HUWE1: variants seen among roughly 807,000 people sequenced by gnomAD.
HUWE1 encodes E3 ubiquitin-protein ligase HUWE1.
HUWE1 carries 18 observed loss-of-function variants against 299.4 expected under a neutral mutation model. That is an observed-to-expected ratio of 0.06 (90% CI 0.04 to 0.09). HUWE1 has a LOEUF of 0.09. HUWE1 is among the 10% of genes least tolerant of loss of function. The pLI is 1.00. For missense variants in HUWE1, 1,832 were observed against 3,462.3 expected (o/e 0.53, Z 11.82); for synonymous variants, 1,317 against 1,286.1 (o/e 1.02, Z -0.51).
chrX:53,648,371 A>T (rs1187789659), intron 4 of HUWE1, 61 bp from the exon 5 acceptor site: 3 of 702,070 alleles, frequency 4.3e-6, no homozygotes, highest in Non-Finnish European at 6.7e-6. Flanking sequence ...AAATAAGGAG[A>T]ATCAGAAAAG....
At position 53,619,419 on chromosome X, in the gene HUWE1, G is replaced by A. The variant is rs1296740674; in HGVS notation, c.1673-1973C>T. On this transcript the variant is annotated intron_variant, in intron 19 of 83. Transcript: ENST00000262854. ...TGTTATTTTATCAAGAAGTCGCAAC[G>A]ACACTATGCACTGGGACCCCTATAC... Among the ~76,000 whole-genome samples, 3 of 110,038 alleles carry A rather than the reference G, an allele frequency of 2.7e-5. No individual in the cohort carries two copies. The Admixed American group carries it at 2.9e-4, about 11-fold the overall frequency.
intron 47 of HUWE1, among the ~76,000 whole-genome samples, 167 bp downstream of exon 47, chrX:53,573,583 C>T (rs2062943094): frequency 8.9e-6 from 1 of 112,802 alleles, no homozygotes; most frequent in African/African-American, 3.2e-5. Flanking sequence ...GCTGGGATTA[C>T]AGGCGTGAGC....
At chrX:53,672,936 C>G (rs782318304) in intron 3 of HUWE1, among the ~76,000 whole-genome samples, 5 of 111,717 alleles carry the variant, frequency 4.5e-5, no homozygotes, top group Admixed American at 3.8e-4. Flanking sequence ...GTCTGTTTAT[C>G]TGTATTTTTC....
At chrX:53,654,722 A>G (rs1194518933) in intron 3 of HUWE1, among the ~76,000 whole-genome samples, 1 of 112,629 alleles carries the variant, frequency 8.9e-6, no homozygotes, top group East Asian at 2.8e-4. Context: ...AAAGATGTTC[A>G]TGATGAAATA....
At chrX:53,569,057 A>G (rs1238122251) in intron 48 of HUWE1, among the ~76,000 whole-genome samples, 183 bp from the exon 49 acceptor site, 1 of 112,164 alleles carries the variant, frequency 8.9e-6, no homozygotes, top group Non-Finnish European at 1.9e-5. Context: ...TTTTTTAGAC[A>G]GGGTCTCACT....
At position 53,631,623 on chromosome X, in the gene HUWE1, A is replaced by T. The variant is rs782045855; in HGVS notation, c.646-9T>A. 1.7e-6 allele frequency: 2 copies of T among 1,162,452 alleles called. No homozygotes were observed. The highest frequency in any genetic ancestry group is 1.8e-5 in the South Asian group (1 of 55,749). On this transcript the variant is annotated splice_polypyrimidine_tract_variant and intron_variant, in intron 9 of 83. Transcript: ENST00000262854. ...AGTGTGTTACTAGTTGTCTAAAATT[A>T]AAAAAGACAAGAGAGCTGTAAGGAG... is the stretch of plus-strand genomic sequence containing the variant.
In HUWE1 at chrX:53,594,573, A is replaced by G. The variant is rs782727215; in HGVS notation, c.3429T>C (p.Phe1143=). 20 of 1,209,835 alleles carry G rather than the reference A, an allele frequency of 1.7e-5. No homozygotes were observed. In the African/African-American group the frequency reaches 1.7e-4, roughly 10 times the overall value. Residue 1143 remains phenylalanine (F), a synonymous_variant, in exon 31 of 84, where the codon TTT becomes TTC. Coordinates refer to ENST00000262854, the MANE Select transcript of HUWE1 (RefSeq NM_031407.7). ...CSVGFTSPML[F]DERKYPYHLM... is the part of the protein sequence containing the mutation. ...GGTGGTAGGGATACTTCCTCTCATC[A>G]AACAGCATTGGGGATGTGAAACCAA...
intron 82 of HUWE1, 44 bp from the exon 83 acceptor site, chrX:53,534,241 C>G (rs2060898981): frequency 1.8e-6 from 2 of 1,102,543 alleles, no homozygotes; most frequent in South Asian, 1.8e-5. Flanking sequence ...TAGAAAGCTC[C>G]TAGAAGCAGG....
At chrX:53,641,816 A>C (rs1437578233) in intron 7 of HUWE1, among the ~76,000 whole-genome samples, 2 of 112,036 alleles carry the variant, frequency 1.8e-5, no homozygotes, top group South Asian at 3.7e-4. Context: ...TACTACATTA[A>C]GTCTTCCCAT....
chrX:53,588,660 TCTAAC>T, intron 36 of HUWE1, 126 bp from the exon 37 acceptor site: 2 of 639,351 alleles, frequency 3.1e-6, no homozygotes, highest in Non-Finnish European at 4.9e-6. Flanking sequence ...GGTAGGTAAA[TCTAAC>T]ATATTTACCA....
At chrX:53,627,645 G>C in intron 16 of HUWE1, 94 bp downstream of exon 16, 1 of 906,352 alleles carries the variant, frequency 1.1e-6, no homozygotes, top group Admixed American at 2.5e-5. Flanking sequence ...AAACAGAAGA[G>C]ACTGTAAGAT....
At chrX:53,545,223 A>G in intron 70 of HUWE1, 62 bp from the exon 71 acceptor site, 1 of 1,097,569 alleles carries the variant, frequency 9.1e-7, no homozygotes, top group Non-Finnish European at 1.2e-6. Context: ...GCTAAAAGCC[A>G]AATCTCTCTA....
intron 23 of HUWE1, among the ~76,000 whole-genome samples, chrX:53,612,177 T>C (rs1224902815): frequency 1.2e-4 from 14 of 112,190 alleles, no homozygotes; most frequent in African/African-American, 4.5e-4. Context: ...TCTTGCTTTT[T>C]CTTCCTTCCC....
chrX:53,541,353 C>T (rs987734987), intron 74 of HUWE1, among the ~76,000 whole-genome samples: 1 of 110,932 alleles, frequency 9.0e-6, no homozygotes, highest in Non-Finnish European at 1.9e-5. Context: ...TTTGGGAGGC[C>T]GAGGCAGGTG....
At chrX:53,663,078 T>C (rs1259560769) in intron 3 of HUWE1, among the ~76,000 whole-genome samples, 1 of 112,330 alleles carries the variant, frequency 8.9e-6, no homozygotes, top group Non-Finnish European at 1.9e-5. Context: ...AATGTCAAAA[T>C]GAGGTATGTC....
intron 70 of HUWE1, among the ~76,000 whole-genome samples, chrX:53,546,151 G>A (rs782379449): frequency 9.0e-6 from 1 of 111,421 alleles, no homozygotes; most frequent in African/African-American, 3.3e-5. Context: ...GAAGAAAGGA[G>A]GCGCTGCTGT....
chrX:53,684,359 G>A (rs2070361842), intron 2 of HUWE1, among the ~76,000 whole-genome samples: 1 of 112,091 alleles, frequency 8.9e-6, no homozygotes, highest in Non-Finnish European at 1.9e-5. Context: ...AAATGACTGG[G>A]AGTTTTTCGG....
At chrX:53,684,239 G>C (rs1480870365) in intron 2 of HUWE1, 1 of 186,206 alleles carries the variant, frequency 5.4e-6, no homozygotes, top group East Asian at 9.5e-5. Flanking sequence ...GCCTCGGCGA[G>C]ACCTTCTTAA....
chrX:53,654,866 T>A (rs1185058367), intron 3 of HUWE1, among the ~76,000 whole-genome samples: 1 of 112,439 alleles, frequency 8.9e-6, no homozygotes, highest in African/African-American at 3.2e-5. Flanking sequence ...ATGCACCTTT[T>A]ACTGTTCCTA....
Sources: gnomAD v4.1 joint callset for allele counts (sites outside exome capture counted in the v4.1 genomes callset) on GRCh38, gnomAD v4.1.1 for gene constraint, MANE v1.5 for transcripts, NCBI Gene and HGNC (gene_info 2026-07-23, HGNC 2026-07-21) for gene names.